RABGEF1: variants seen among roughly 807,000 people sequenced by gnomAD.
RABGEF1 encodes RAB guanine nucleotide exchange factor 1, also known as rab5 GDP/GTP exchange factor.
Under a neutral mutation model 57.3 loss-of-function variants are expected in RABGEF1, and 26 were observed. The observed-to-expected ratio is 0.45, with a 90% CI of 0.33 to 0.63. The LOEUF is 0.63. Among genes scored for constraint, RABGEF1 ranks in the 20% least tolerant of loss-of-function variants. The pLI is 0.02. For missense variants in RABGEF1, 464 were observed against 607.6 expected (o/e 0.76, Z 2.48); for synonymous variants, 185 against 210.7 (o/e 0.88, Z 1.06).
chr7:66,657,136 T>C, the RABGEF1 span, among the ~76,000 whole-genome samples: 1 of 152,078 alleles, frequency 6.6e-6, no homozygotes, highest in East Asian at 1.9e-4. Context: ...AACATGATAA[T>C]CCAATTAGAT....
chr7:66,795,549 T>C lies in RABGEF1; in HGVS notation c.552T>C (p.Asp184=). 1.2e-6 allele frequency: 2 copies of C among 1,612,768 alleles called. No homozygotes were observed. Among genetic ancestry groups the C allele is most frequent in the Non-Finnish European group, 1.7e-6 (2 of 1,178,752 alleles). ...AAGAACAGTCAGAGTGTGCTCAGGA[T>C]TTCTACCACAATGTGGCCGAAAGGA... ...SIEEQSECAQ[D]FYHNVAERMQ... The change falls in exon 5 of 9, where the codon GAT becomes GAC. Residue 184 remains aspartate, a synonymous_variant. Coordinates refer to ENST00000284957, the MANE Select transcript of RABGEF1 (RefSeq NM_014504.3).
At position 66,775,396 on chromosome 7, in the gene RABGEF1, A is replaced by G; in HGVS notation, c.346+3A>G. ...TTCCAGGGTCGGATCAAAGAAGGGT[A>G]ATGTTCTGATACTCTTTTTTTTCTT... On this transcript the variant is annotated splice_donor_region_variant and intron_variant, in intron 3 of 8. Coordinates refer to ENST00000284957, the MANE Select transcript of RABGEF1 (RefSeq NM_014504.3). 5 of 1,613,524 alleles carry G rather than the reference A, an allele frequency of 3.1e-6. No homozygotes were observed. The highest frequency in any genetic ancestry group is 4.2e-6 in the Non-Finnish European group (5 of 1,179,608).
rs1562761774 is a variant in RABGEF1, at chr7:66,740,760, G to C, written c.-50G>C. ...ACCTACCCGGGCGAAGCGGGCGAGCGGTGGTTTGGACGCCGGCGGAGACGC... is the reference window on the plus strand; with the variant it reads ...ACCTACCCGGGCGAAGCGGGCGAGCCGTGGTTTGGACGCCGGCGGAGACGC... On this transcript the variant is annotated 5_prime_UTR_variant, in exon 1 of 9. Transcript: ENST00000284957. The C allele has an allele frequency of 6.5e-6, 1 of 152,692 alleles. No homozygotes were observed. Among genetic ancestry groups the C allele is most frequent in the Non-Finnish European group, 1.5e-5 (1 of 68,462 alleles). 9.5% of individuals were successfully genotyped at this position (152,692 alleles called of 1,614,324 possible).
chr7:66,670,475 C>A, the RABGEF1 span, among the ~76,000 whole-genome samples: 5 of 123,872 alleles, frequency 4.0e-5, no homozygotes, highest in Admixed American at 1.0e-4. Flanking sequence ...GGCTAGAGGA[C>A]ACAAAGACAG....
At chr7:66,728,951 CTT>C (rs1208215962) in intron 2 of RABGEF1, among the ~76,000 whole-genome samples, 6 of 136,260 alleles carry the variant, frequency 4.4e-5, no homozygotes, top group African/African-American at 8.1e-5. Flanking sequence ...TTCACCTCCA[CTT>C]TTTTTTTTTT....
At chr7:66,788,182 C>G (rs977988015) in intron 4 of RABGEF1, among the ~76,000 whole-genome samples, 1 of 152,162 alleles carries the variant, frequency 6.6e-6, no homozygotes, top group African/African-American at 2.4e-5. Context: ...CGAGGTTGCT[C>G]ACACCTGTAA....
intron 4 of RABGEF1, among the ~76,000 whole-genome samples, chr7:66,785,423 A>G (rs1392144675): frequency 6.6e-6 from 1 of 152,228 alleles, no homozygotes; most frequent in Non-Finnish European, 1.5e-5. Flanking sequence ...GAATGTCCCT[A>G]GAGAAGCCCT....
rs1424423938 is a variant in RABGEF1 at position 66,795,591 on chromosome 7, A to G, written c.594A>G (p.Lys198=). 1.3e-6 allele frequency: 2 copies of G among 1,599,710 alleles called. No individual in the cohort carries two copies. The highest frequency in any genetic ancestry group is 2.2e-5 in the East Asian group (1 of 44,830). ...CCGAAAGGATGCAAACTCGTGGGAA[A>G]GGTAACACTGTTAGCCATTGAGAGA... ...NVAERMQTRG[K]VPPERVEKIM... is the part of the protein sequence containing the mutation. The change falls in exon 5 of 9, where the codon AAA becomes AAG. Residue 198 remains lysine (K), a splice_region_variant and synonymous_variant. Transcript: ENST00000284957.
At chr7:66,666,586 C>A in the RABGEF1 span, among the ~76,000 whole-genome samples, 2 of 152,206 alleles carry the variant, frequency 1.3e-5, no homozygotes, top group African/African-American at 4.8e-5. Context: ...CGTTTCTTGC[C>A]TCCTTCTGAG....
At chr7:66,763,739 T>C (rs1805018031) in intron 1 of RABGEF1, among the ~76,000 whole-genome samples, 1 of 152,224 alleles carries the variant, frequency 6.6e-6, no homozygotes, top group Non-Finnish European at 1.5e-5. Context: ...TCATATAATG[T>C]GTGGTGTTCT....
chr7:66,725,128 T>G (rs1297650356), intron 2 of RABGEF1, among the ~76,000 whole-genome samples: 1 of 152,244 alleles, frequency 6.6e-6, no homozygotes, highest in Non-Finnish European at 1.5e-5. Flanking sequence ...TTTCGATTAT[T>G]ATTTTTTTAA....
chr7:66,663,721 C>T, the RABGEF1 span, among the ~76,000 whole-genome samples: 1 of 151,766 alleles, frequency 6.6e-6, no homozygotes, highest in East Asian at 1.9e-4. Context: ...TGCACATATA[C>T]CCTAAAACTT....
rs763713060 is a variant in RABGEF1 at position 66,795,514 on chromosome 7, C to G, written c.517C>G (p.Leu173Val). 6.2e-7 allele frequency: 1 copy of G among 1,607,124 alleles called. No homozygotes were observed. Among genetic ancestry groups the G allele is most frequent in the Admixed American group, 1.7e-5 (1 of 59,990 alleles). ...FLEGMHYKRDLSIEEQSECAQ... is the reference protein window; with the variant it reads ...FLEGMHYKRDVSIEEQSECAQ... ...CCTCTTTGTCTCTCTGTTTCAGGAT[C>G]TAAGCATTGAAGAACAGTCAGAGTG... Residue 173 changes from leucine to valine, a missense_variant, in exon 5 of 9, where the codon CTA becomes GTA. This residue lies in a region of RABGEF1 where 284 missense variants were observed against 389.9 expected (regional missense o/e 0.73). Coordinates refer to ENST00000284957, the MANE Select transcript of RABGEF1 (RefSeq NM_014504.3).
At chr7:66,663,132 G>A in the RABGEF1 span, among the ~76,000 whole-genome samples, 1 of 152,264 alleles carries the variant, frequency 6.6e-6, no homozygotes, top group South Asian at 2.1e-4. Flanking sequence ...TGTTCCTGCT[G>A]CAGTTAACTA....
At chr7:66,797,053 A>G (rs530749432) in intron 5 of RABGEF1, among the ~76,000 whole-genome samples, 1 of 152,062 alleles carries the variant, frequency 6.6e-6, no homozygotes, top group Non-Finnish European at 1.5e-5. Flanking sequence ...TAAACCTAGT[A>G]CTTTGGGAGG....
intron 2 of RABGEF1, among the ~76,000 whole-genome samples, chr7:66,727,512 A>G (rs1159650629): frequency 1.3e-5 from 2 of 152,306 alleles, no homozygotes; most frequent in East Asian, 1.9e-4. Context: ...ACCCCCAGGG[A>G]TCTTCCTCCT....
rs112831044 is a variant in RABGEF1, at chr7:66,704,592, C to T, written c.-872-7575C>T. 2.6e-3 allele frequency among the ~76,000 whole-genome samples: 400 copies of T among 151,726 alleles called. 1 individual carries two copies. Among genetic ancestry groups the T allele is most frequent in the African/African-American group, 9.3e-3 (386 of 41,330 alleles). On this transcript the variant is annotated intron_variant and NMD_transcript_variant, in intron 1 of 9. Coordinates refer to the RABGEF1 transcript ENST00000607882. ...TTGGGAGGCCGAGGCGGGTGGATCACGAGGTCAGGAGATCGAGACCATCCT... is the reference window on the plus strand; with the variant it reads ...TTGGGAGGCCGAGGCGGGTGGATCATGAGGTCAGGAGATCGAGACCATCCT...
intron 1 of RABGEF1, among the ~76,000 whole-genome samples, chr7:66,758,527 C>T (rs1803359058): frequency 6.6e-6 from 1 of 152,234 alleles, no homozygotes; most frequent in African/African-American, 2.4e-5. Context: ...CCCCTCGGAG[C>T]TCCCTCCTGG....
chr7:66,771,405 C>T (rs552894615), intron 1 of RABGEF1, among the ~76,000 whole-genome samples: 35 of 152,324 alleles, frequency 2.3e-4, no homozygotes, highest in Admixed American at 2.0e-3. Context: ...TCCCAAAGGG[C>T]TGGGATTACA....
Sources: allele counts gnomAD v4.1 joint callset (sites outside exome capture counted in the v4.1 genomes callset), GRCh38; gene constraint gnomAD v4.1.1; regional missense constraint gnomAD v4.1.1; transcripts MANE v1.5; gene names NCBI Gene and HGNC (gene_info 2026-07-23, HGNC 2026-07-21).